The following COL4A5 variants were observed in gnomAD, a reference collection of about 807,000 sequenced individuals.
COL4A5 encodes collagen alpha-5(IV) chain.
A neutral mutation model predicts 130.2 loss-of-function variants in COL4A5; 26 were observed. The ratio of observed to expected loss-of-function variants is 0.20; its 90% CI spans 0.15 to 0.28. The LOEUF (loss-of-function observed/expected upper bound fraction) is 0.28, where lower values mean the gene tolerates loss of function less well. COL4A5 is among the 10% of genes least tolerant of loss of function. The probability of loss-of-function intolerance (pLI) is 1.00; values close to 1 mark genes in which losing one functional copy is unlikely to be tolerated. For missense variants in COL4A5, 1,131 were observed against 1,344.3 expected, an observed-to-expected ratio of 0.84 and a Z score of 2.48; for synonymous variants, 496 against 439.6, an observed-to-expected ratio of 1.13 and a Z score of -1.60.
chrX:108,589,967 G>T (rs756817618), intron 19 of COL4A5, among the ~76,000 whole-genome samples: 86 of 111,056 alleles, frequency 7.7e-4, no homozygotes, highest in Non-Finnish European at 1.4e-3. Flanking sequence ...TTAAAAACTG[G>T]GCAAAAGACA....
At chrX:108,582,780 C>G in intron 16 of COL4A5, 104 bp from the exon 17 acceptor site, 5 of 599,311 alleles carry the variant, frequency 8.3e-6, no homozygotes, top group Non-Finnish European at 1.4e-5. Flanking sequence ...TCTGACTGAC[C>G]ATTTTTGCCA....
At position 108,526,605 on chromosome X, in the gene COL4A5, TTTC is replaced by T. The variant is rs1230246063; in HGVS notation, c.82-13138_82-13136del. Among the ~76,000 whole-genome samples, 22 of 42,629 alleles carry T rather than the reference TTTC, an allele frequency of 5.2e-4. 1 individual carries two copies. The allele number at this position is 42,629 out of a possible 115,157, so 37.0% of individuals were successfully genotyped here. A position where few individuals can be genotyped will look rare whatever the true frequency, so the allele number is the denominator to read the frequency against. On this transcript the variant is annotated intron_variant, in intron 1 of 52. Transcript: ENST00000328300. ...CCTCCCTCCCTCCCTCCTTTCTTTC[TTTC>T]TTTCTTTCTTTCTTTCTTTCTTTCT...
In COL4A5 at chrX:108,620,413, C is replaced by T; in HGVS notation, c.2664C>T (p.Ala888=). ...GSPGLPGKAG[A]SGFPGTKGEM... is the part of the protein sequence containing the mutation. Reference sequence around the variant, plus strand: ...CAGGGCTTCCAGGAAAAGCAGGTGCCTCTGGATTTCCAGGTAATTTGTTTA... The same window carrying T: ...CAGGGCTTCCAGGAAAAGCAGGTGCTTCTGGATTTCCAGGTAATTTGTTTA... The change falls in exon 31 of 53, where the codon GCC becomes GCT. Residue 888 remains alanine, a synonymous_variant. Coordinates refer to ENST00000328300, the MANE Select transcript of COL4A5 (RefSeq NM_033380.3). The T allele has an allele frequency of 8.3e-7, 1 of 1,208,201 alleles. No individual in the cohort carries two copies. The highest frequency in any genetic ancestry group is 1.1e-6 in the Non-Finnish European group (1 of 893,085).
chrX:108,473,694 C>T (rs1190827970), intron 1 of COL4A5, among the ~76,000 whole-genome samples: 1 of 91,663 alleles, frequency 1.1e-5, no homozygotes, highest in Non-Finnish European at 2.1e-5. Flanking sequence ...TGCAGTGGTG[C>T]AATCTCGGTT....
chrX:108,506,329 C>T (rs1355816361), intron 1 of COL4A5, among the ~76,000 whole-genome samples: 1 of 99,369 alleles, frequency 1.0e-5, no homozygotes, highest in Non-Finnish European at 2.0e-5. Context: ...TCCCACTAGC[C>T]TTTTATTCTA....
At chrX:108,493,915 G>A (rs2065013788) in intron 1 of COL4A5, among the ~76,000 whole-genome samples, 1 of 110,539 alleles carries the variant, frequency 9.0e-6, no homozygotes, top group Non-Finnish European at 1.9e-5. Context: ...GCTCGGAAAG[G>A]GTCAAAGCCA....
chrX:108,669,583 A>G (rs1449708514), intron 41 of COL4A5, among the ~76,000 whole-genome samples: 1 of 112,185 alleles, frequency 8.9e-6, no homozygotes, highest in South Asian at 3.7e-4. Context: ...CTCCTCAGCC[A>G]TGTTAACTCT....
At chrX:108,684,914 T>A (rs2346365) in intron 47 of COL4A5, among the ~76,000 whole-genome samples, 27,440 of 111,585 alleles carry the variant, frequency 0.25, 2,793 homozygotes, top group East Asian at 0.57. Context: ...CACGATTAAG[T>A]CGGCTTCATT....
intron 1 of COL4A5, among the ~76,000 whole-genome samples, chrX:108,473,628 TA>T (rs1353487100): frequency 3.4e-4 from 15 of 44,277 alleles, no homozygotes; most frequent in Non-Finnish European, 6.8e-4. Flanking sequence ...TATATATATA[TA>T]TATATTTTTT....
At chrX:108,538,895 T>C (rs1243571015) in intron 1 of COL4A5, among the ~76,000 whole-genome samples, 1 of 112,038 alleles carries the variant, frequency 8.9e-6, no homozygotes, top group African/African-American at 3.2e-5. Context: ...TTTTTCTGGC[T>C]TGAGGACCTC....
intron 1 of COL4A5, among the ~76,000 whole-genome samples, chrX:108,538,171 T>C (rs892097774): frequency 1.8e-5 from 2 of 111,732 alleles, no homozygotes; most frequent in Admixed American, 1.9e-4. Context: ...GGGAGCTGTG[T>C]GTTACTCATC....
intron 17 of COL4A5, among the ~76,000 whole-genome samples, chrX:108,583,470 T>C (rs1223802018): frequency 1.8e-5 from 2 of 111,796 alleles, no homozygotes; most frequent in Non-Finnish European, 3.8e-5. Context: ...GTATGAAGCA[T>C]ACAATTACCA....
At position 108,523,952 on chromosome X, in the gene COL4A5, T is replaced by G. The variant is rs183951572; in HGVS notation, c.82-15794T>G. Among the ~76,000 whole-genome samples the G allele has an allele frequency of 4.2e-3, 466 of 111,551 alleles. 1 individual carries two copies. Among genetic ancestry groups the G allele is most frequent in the African/African-American group, 0.015 (455 of 30,778 alleles). ...TACCATGTGACCTTGCTAAATTCAT[T>G]TATTTGCTCTAATAGGATTTTCTGT... is the stretch of plus-strand genomic sequence containing the variant. On this transcript the variant is annotated intron_variant, in intron 1 of 52. Coordinates refer to ENST00000328300, the MANE Select transcript of COL4A5 (RefSeq NM_033380.3).
At chrX:108,458,843 G>A (rs2064611444) in intron 1 of COL4A5, among the ~76,000 whole-genome samples, 2 of 111,167 alleles carry the variant, frequency 1.8e-5, no homozygotes, top group African/African-American at 3.3e-5. Flanking sequence ...AGTTGGGCGT[G>A]GTGGCGGGCG....
At chrX:108,522,546 A>G (rs1472693076) in intron 1 of COL4A5, among the ~76,000 whole-genome samples, 1 of 104,713 alleles carries the variant, frequency 9.5e-6, no homozygotes, top group Non-Finnish European at 1.9e-5. Flanking sequence ...AACGATGTTG[A>G]GCATATATTT....
chrX:108,630,575 A>G (rs1198321471), intron 36 of COL4A5, among the ~76,000 whole-genome samples: 1 of 111,763 alleles, frequency 8.9e-6, no homozygotes, highest in Non-Finnish European at 1.9e-5. Flanking sequence ...AGATGAGTAG[A>G]TTGCAAAAAT....
intron 2 of COL4A5, among the ~76,000 whole-genome samples, chrX:108,555,795 C>T (rs1002753675): frequency 8.9e-6 from 1 of 111,875 alleles, no homozygotes. Context: ...TAGTCTACTT[C>T]TCAGTACATT....
At chrX:108,655,729 A>G (rs2067828132) in intron 37 of COL4A5, among the ~76,000 whole-genome samples, 1 of 112,658 alleles carries the variant, frequency 8.9e-6, no homozygotes, top group South Asian at 3.6e-4. Context: ...TGCTAGCCAC[A>G]AATCACTTAA....
At chrX:108,454,195 G>A (rs1243660699) in intron 1 of COL4A5, among the ~76,000 whole-genome samples, 3 of 111,943 alleles carry the variant, frequency 2.7e-5, no homozygotes, top group Non-Finnish European at 3.8e-5. Context: ...AGAATCAATG[G>A]GTTAAGTTAC....
Sources: allele counts gnomAD v4.1 joint callset (sites outside exome capture counted in the v4.1 genomes callset), GRCh38; gene constraint gnomAD v4.1.1; transcripts MANE v1.5; gene names NCBI Gene and HGNC (gene_info 2026-07-23, HGNC 2026-07-21).